DAG1: variants seen among roughly 807,000 people sequenced by gnomAD.
DAG1 encodes the protein dystroglycan 1.
Under a neutral mutation model 46.1 loss-of-function variants are expected in DAG1, and 8 were observed. The observed-to-expected ratio is 0.17, with a 90% CI of 0.10 to 0.31. The LOEUF (loss-of-function observed/expected upper bound fraction) is 0.31. Among genes scored for constraint, DAG1 ranks in the 10% least tolerant of loss-of-function variants. The pLI is 1.00. For synonymous variants in DAG1, 495 were observed against 481.8 expected, an observed-to-expected ratio of 1.03 and a Z score of -0.36; for missense variants, 1,003 against 1,189.9, an observed-to-expected ratio of 0.84 and a Z score of 2.31.
At position 49,533,253 on chromosome 3, in the gene DAG1, GTGT is replaced by G; in HGVS notation, c.*58_*60del. On this transcript the variant is annotated 3_prime_UTR_variant, in exon 3 of 3. Coordinates refer to ENST00000308775, the MANE Select transcript of DAG1 (RefSeq NM_004393.6). ...AGGGCAGGGGCCTGGAGACGACATGGTGTTGTCTGTGGAGACCGGTGGCCTGCA... is the reference window on the plus strand; with the variant it reads ...AGGGCAGGGGCCTGGAGACGACATGGTGTCTGTGGAGACCGGTGGCCTGCA... 4 of 1,599,014 alleles carry G rather than the reference GTGT, an allele frequency of 2.5e-6. No individual in the cohort carries two copies. Among genetic ancestry groups the G allele is most frequent in the Non-Finnish European group, 3.4e-6 (4 of 1,178,574 alleles).
intron 1 of DAG1, among the ~76,000 whole-genome samples, chr3:49,503,753 G>C (rs1188650120): frequency 6.6e-6 from 1 of 151,874 alleles, no homozygotes; most frequent in Non-Finnish European, 1.5e-5. Flanking sequence ...GCGTGAGCCC[G>C]GGAGGTCGAG....
At chr3:49,469,810 T>C (rs2049457612), upstream of DAG1, among the ~76,000 whole-genome samples, 1 of 152,106 alleles carries the variant, frequency 6.6e-6, no homozygotes, top group Non-Finnish European at 1.5e-5. Flanking sequence ...TCGAAGGAAA[T>C]AAGGAGGGCT....
At chr3:49,495,436 CAT>C (rs113322871) in intron 1 of DAG1, among the ~76,000 whole-genome samples, 20 of 152,166 alleles carry the variant, frequency 1.3e-4, no homozygotes, top group East Asian at 5.8e-4. Context: ...AGTTGGTAAA[CAT>C]GTGCTGAAGT....
chr3:49,470,586 T>TGCCGCCCGGGCGGA (rs2049487416), intron 1 of DAG1, 153 bp downstream of exon 1: 1 of 152,066 alleles, frequency 6.6e-6, no homozygotes, highest in African/African-American at 2.4e-5. Context: ...GAGGAGGCGG[T>TGCCGCCCGGGCGGA]GCCGCCCGGG....
chr3:49,477,816 G>C (rs571226376), intron 1 of DAG1, among the ~76,000 whole-genome samples: 7 of 152,060 alleles, frequency 4.6e-5, no homozygotes, highest in African/African-American at 1.7e-4. Flanking sequence ...ACAAAAATTA[G>C]CTGGGCGTGG....
intron 1 of DAG1, among the ~76,000 whole-genome samples, chr3:49,495,150 C>T (rs892847538): frequency 6.6e-6 from 1 of 152,124 alleles, no homozygotes; most frequent in Admixed American, 6.6e-5. Flanking sequence ...CATCCAGCCC[C>T]CACAGGGTAG....
chr3:49,518,560 A>C (rs2050952095), intron 2 of DAG1, among the ~76,000 whole-genome samples: 1 of 152,188 alleles, frequency 6.6e-6, no homozygotes, highest in South Asian at 2.1e-4. Flanking sequence ...CAGGAGAATA[A>C]AGAAGGGACC....
rs913615470 is a variant in DAG1 at position 49,533,544 on chromosome 3, G to A, written c.*345G>A. On this transcript the variant is annotated 3_prime_UTR_variant, in exon 3 of 3. Transcript: ENST00000308775. Reference sequence around the variant, plus strand: ...CATGAATGAACTCGCAGGCAGTGCCGGGCGGCCCCCTGGCTCTCTGCGTTT... The same window carrying A: ...CATGAATGAACTCGCAGGCAGTGCCAGGCGGCCCCCTGGCTCTCTGCGTTT... 1.8e-5 allele frequency: 9 copies of A among 499,502 alleles called. No individual in the cohort carries two copies. Among genetic ancestry groups the A allele is most frequent in the African/African-American group, 1.2e-4 (6 of 51,466 alleles). 30.9% of individuals were successfully genotyped at this position (499,502 alleles called of 1,614,324 possible).
At chr3:49,528,244 A>AT (rs1479999218) in intron 2 of DAG1, among the ~76,000 whole-genome samples, 1 of 124,892 alleles carries the variant, frequency 8.0e-6, no homozygotes, top group African/African-American at 3.0e-5. Flanking sequence ...TAAAGCTTAG[A>AT]TTTTTCAGCC....
intron 1 of DAG1, among the ~76,000 whole-genome samples, chr3:49,480,034 C>G (rs368233872): frequency 1.4e-5 from 2 of 147,854 alleles, no homozygotes; most frequent in Non-Finnish European, 3.0e-5. Flanking sequence ...ACTGCAACCT[C>G]TGCCTCCCGG....
At chr3:49,479,875 C>T (rs1476930063) in intron 1 of DAG1, among the ~76,000 whole-genome samples, 6 of 148,328 alleles carry the variant, frequency 4.0e-5, no homozygotes, top group Non-Finnish European at 7.4e-5. Context: ...CTCCTGACCT[C>T]GTGATCCACC....
At chr3:49,495,807 C>T (rs180914265) in intron 1 of DAG1, among the ~76,000 whole-genome samples, 37 of 152,268 alleles carry the variant, frequency 2.4e-4, no homozygotes, top group Admixed American at 2.4e-3. Context: ...GTAACCCCAG[C>T]TACTCAGGAG....
chr3:49,473,518 C>T (rs1249098896), intron 1 of DAG1, among the ~76,000 whole-genome samples: 2 of 152,070 alleles, frequency 1.3e-5, no homozygotes, highest in Non-Finnish European at 2.9e-5. Flanking sequence ...CATCTTAACC[C>T]GTGAGAGACA....
At chr3:49,485,105 G>A (rs766663872) in intron 1 of DAG1, among the ~76,000 whole-genome samples, 12 of 151,382 alleles carry the variant, frequency 7.9e-5, no homozygotes, top group Non-Finnish European at 1.6e-4. Context: ...TCCTGCCTCA[G>A]CCTCCGGAGT....
intron 1 of DAG1, among the ~76,000 whole-genome samples, chr3:49,496,450 C>T (rs1382083791): frequency 4.0e-5 from 6 of 150,794 alleles, no homozygotes; most frequent in African/African-American, 1.2e-4. Flanking sequence ...CTCCACCTCC[C>T]AGGTTCAAGC....
chr3:49,507,396 CTA>C (rs1252137247), intron 1 of DAG1, among the ~76,000 whole-genome samples: 1 of 152,034 alleles, frequency 6.6e-6, no homozygotes, highest in Admixed American at 6.6e-5. Flanking sequence ...AACCCCGTCT[CTA>C]TTAAAAATAC....
Position 49,502,536 on chromosome 3 carries a change from TAGAG to T in DAG1, c.-116-7880_-116-7877del, listed in dbSNP as rs1370250525. Among the ~76,000 whole-genome samples, 11 of 152,130 alleles carry T rather than the reference TAGAG, an allele frequency of 7.2e-5. No individual in the cohort carries two copies. In the East Asian group the frequency reaches 1.2e-3, roughly 16 times the overall value. On this transcript the variant is annotated intron_variant, in intron 1 of 2. Coordinates refer to ENST00000308775, the MANE Select transcript of DAG1 (RefSeq NM_004393.6). ...GGCCTTGGAGTGTGGAACAAGGTAGTAGAGAGGAAAGAGGACAATGTTTTACCTA... is the reference window on the plus strand; with the variant it reads ...GGCCTTGGAGTGTGGAACAAGGTAGTAGGAAAGAGGACAATGTTTTACCTA...
intron 1 of DAG1, among the ~76,000 whole-genome samples, chr3:49,505,644 A>G (rs1399184204): frequency 1.3e-5 from 2 of 151,928 alleles, no homozygotes; most frequent in Non-Finnish European, 1.5e-5. Context: ...AATAAGGGCA[A>G]TTTTATTTTT....
chr3:49,501,473 T>C (rs779847283), intron 1 of DAG1, among the ~76,000 whole-genome samples: 4 of 152,152 alleles, frequency 2.6e-5, no homozygotes, highest in South Asian at 2.1e-4. Flanking sequence ...CCACAACTTA[T>C]AGTCTTGTGG....
Sources: allele counts gnomAD v4.1 joint callset (sites outside exome capture counted in the v4.1 genomes callset), GRCh38; gene constraint gnomAD v4.1.1; transcripts MANE v1.5; gene names NCBI Gene and HGNC (gene_info 2026-07-23, HGNC 2026-07-21).